NRP1: variants seen among roughly 807,000 people sequenced by gnomAD.
NRP1 encodes neuropilin 1, also known as neuropilin-1.
NRP1 carries 35 observed loss-of-function variants against 106.7 expected under a neutral mutation model. The ratio of observed to expected loss-of-function variants is 0.33; its 90% CI spans 0.25 to 0.43. The LOEUF (loss-of-function observed/expected upper bound fraction) is 0.43. NRP1 is among the 20% of genes least tolerant of loss of function. NRP1 has a pLI of 1.00. For missense variants in NRP1, 1,024 were observed against 1,170.4 expected (o/e 0.87, Z 1.83); for synonymous variants, 437 against 417.9 (o/e 1.05, Z -0.56).
chr10:33,217,797 A>T (rs1838897276), intron 8 of NRP1, among the ~76,000 whole-genome samples: 1 of 152,176 alleles, frequency 6.6e-6, no homozygotes, highest in African/African-American at 2.4e-5. Context: ...CCACTTCAGG[A>T]TGGAAGGGAG....
At chr10:33,241,344 GA>G (rs1053112155) in intron 6 of NRP1, among the ~76,000 whole-genome samples, 1 of 151,286 alleles carries the variant, frequency 6.6e-6, no homozygotes, top group Non-Finnish European at 1.5e-5. Flanking sequence ...CATGTTCCAG[GA>G]AAAAAAAATC....
At chr10:33,189,978 C>A (rs541025684) in intron 13 of NRP1, among the ~76,000 whole-genome samples, 44 of 152,320 alleles carry the variant, frequency 2.9e-4, no homozygotes, top group African/African-American at 1.0e-3. Context: ...CTAGTCGGAG[C>A]TGACCTGGCA....
At chr10:33,323,420 G>A (rs1847664152) in intron 2 of NRP1, among the ~76,000 whole-genome samples, 1 of 152,104 alleles carries the variant, frequency 6.6e-6, no homozygotes, top group East Asian at 1.9e-4. Flanking sequence ...TAAAGGAATT[G>A]AGTAGACGGA....
chr10:33,285,453 C>A (rs1844451811), intron 2 of NRP1, among the ~76,000 whole-genome samples: 1 of 152,140 alleles, frequency 6.6e-6, no homozygotes, highest in Non-Finnish European at 1.5e-5. Flanking sequence ...ATCTCATTTT[C>A]TAGGTGATGA....
chr10:33,200,474 C>A (rs962950195), intron 11 of NRP1, among the ~76,000 whole-genome samples: 14 of 152,228 alleles, frequency 9.2e-5, no homozygotes, highest in African/African-American at 2.9e-4. Flanking sequence ...ATATTTCTCC[C>A]CTCTAGATAC....
At chr10:33,220,900 C>CAAAAAAAAAAAAAAAAAAA (rs35895871) in intron 8 of NRP1, among the ~76,000 whole-genome samples, 4 of 60,678 alleles carry the variant, frequency 6.6e-5, no homozygotes, top group Non-Finnish European at 8.6e-5. Flanking sequence ...GGCTCAGTCT[C>CAAAAAAAAAAAAAAAAAAA]AAAAAAAAAA....
chr10:33,333,122 T>C (rs1464822519), intron 1 of NRP1, among the ~76,000 whole-genome samples: 3 of 152,232 alleles, frequency 2.0e-5, no homozygotes, highest in Non-Finnish European at 4.4e-5. Context: ...CTCAGGTTCA[T>C]TAATAAATTG....
chr10:33,239,629 G>A lies in NRP1; in HGVS notation c.982-13340C>T, dbSNP rs1452850254. 2.0e-5 allele frequency among the ~76,000 whole-genome samples: 3 copies of A among 152,248 alleles called. No homozygotes were observed. The East Asian group carries it at 5.8e-4, about 29-fold the overall frequency. ...GTCTGCTAACTGATGAATTTCACTGGCTAGGTCCACACTGTGTGAAGTATT... is the reference window on the plus strand; with the variant it reads ...GTCTGCTAACTGATGAATTTCACTGACTAGGTCCACACTGTGTGAAGTATT... On this transcript the variant is annotated intron_variant, in intron 6 of 16. Coordinates refer to ENST00000374867, the MANE Select transcript of NRP1 (RefSeq NM_003873.7).
intron 6 of NRP1, among the ~76,000 whole-genome samples, chr10:33,241,820 G>T (rs903324197): frequency 6.6e-6 from 1 of 151,994 alleles, no homozygotes; most frequent in Non-Finnish European, 1.5e-5. Flanking sequence ...CAAAGTTAAG[G>T]ATTAAAACAT....
At chr10:33,323,850 G>A (rs1847700955) in intron 2 of NRP1, among the ~76,000 whole-genome samples, 1 of 152,122 alleles carries the variant, frequency 6.6e-6, no homozygotes, top group African/African-American at 2.4e-5. Flanking sequence ...ATGTCAGCAG[G>A]CATGCAAGTA....
intron 6 of NRP1, among the ~76,000 whole-genome samples, chr10:33,235,325 T>G (rs1840471751): frequency 6.6e-6 from 1 of 152,138 alleles, no homozygotes; most frequent in Non-Finnish European, 1.5e-5. Context: ...GCTACCCAAA[T>G]CACTCCAATC....
chr10:33,217,657 T>C (rs1838885346), intron 8 of NRP1, among the ~76,000 whole-genome samples: 1 of 152,176 alleles, frequency 6.6e-6, no homozygotes, highest in Admixed American at 6.5e-5. Context: ...TGAATAATTT[T>C]TTAGTACACA....
intron 13 of NRP1, 55 bp from the exon 14 acceptor site, chr10:33,186,543 T>C: frequency 6.5e-7 from 1 of 1,543,956 alleles, no homozygotes; most frequent in Non-Finnish European, 8.8e-7. Context: ...CACACTTTTA[T>C]CTCTCTTCTT....
chr10:33,225,886 A>G (rs1180963882), intron 7 of NRP1, among the ~76,000 whole-genome samples: 1 of 152,218 alleles, frequency 6.6e-6, no homozygotes, highest in Non-Finnish European at 1.5e-5. Flanking sequence ...GCTTACAGCA[A>G]TTCTTGAGTC....
chr10:33,180,730 G>A (rs1835633016), intron 16 of NRP1, among the ~76,000 whole-genome samples: 1 of 152,184 alleles, frequency 6.6e-6, no homozygotes, highest in African/African-American at 2.4e-5. Flanking sequence ...GTCTAGCAAG[G>A]GGATTTTACC....
chr10:33,188,915 A>G (rs1252518938), intron 13 of NRP1, among the ~76,000 whole-genome samples: 1 of 138,580 alleles, frequency 7.2e-6, no homozygotes, highest in Non-Finnish European at 1.5e-5. Context: ...TCTTAAATAT[A>G]TATATATATA....
intron 6 of NRP1, among the ~76,000 whole-genome samples, chr10:33,238,203 C>T: frequency 6.6e-6 from 1 of 152,244 alleles, no homozygotes; most frequent in East Asian, 1.9e-4. Flanking sequence ...TCTCTTGAGT[C>T]TAGCAGCACA....
At chr10:33,295,138 CAT>C (rs943602285) in intron 2 of NRP1, among the ~76,000 whole-genome samples, 36 of 152,282 alleles carry the variant, frequency 2.4e-4, no homozygotes, top group Middle Eastern at 3.4e-3. Flanking sequence ...TGTAGCAACA[CAT>C]ATGTTTGTGT....
At chr10:33,272,973 C>G (rs887073636) in intron 2 of NRP1, among the ~76,000 whole-genome samples, 1 of 151,678 alleles carries the variant, frequency 6.6e-6, no homozygotes, top group African/African-American at 2.4e-5. Flanking sequence ...AATATAGTGC[C>G]GGTGGATTGC....
Sources: gnomAD v4.1 joint callset for allele counts (sites outside exome capture counted in the v4.1 genomes callset) on GRCh38, gnomAD v4.1.1 for gene constraint, MANE v1.5 for transcripts, NCBI Gene and HGNC (gene_info 2026-07-23, HGNC 2026-07-21) for gene names.